The following MED4 variants were observed in gnomAD, a reference collection of about 807,000 sequenced individuals.
MED4 encodes the protein mediator complex subunit 4.
Under a neutral mutation model 35.0 loss-of-function variants are expected in MED4, and 21 were observed. The ratio of observed to expected loss-of-function variants is 0.60; its 90% confidence interval spans 0.43 to 0.86. The LOEUF is 0.86. Ranked by LOEUF, MED4 falls within the 40% of genes least tolerant of loss-of-function variation. The probability of loss-of-function intolerance (pLI) is 0.00; values close to 1 mark genes in which losing one functional copy is unlikely to be tolerated. For missense variants in MED4, 300 were observed against 319.4 expected (o/e 0.94, Z 0.46); for synonymous variants, 138 against 114.0 (o/e 1.21, Z -1.34).
chr13:48,078,039 T>C (rs1390385061), intron 6 of MED4, among the ~76,000 whole-genome samples: 1 of 152,174 alleles, frequency 6.6e-6, no homozygotes, highest in Non-Finnish European at 1.5e-5. Context: ...ACTGCTATTG[T>C]AAGTGACTCT....
intron 4 of MED4, among the ~76,000 whole-genome samples, chr13:48,082,285 TCA>T (rs1593543726): frequency 1.3e-5 from 2 of 151,868 alleles, no homozygotes; most frequent in African/African-American, 4.8e-5. Context: ...ACATACATAC[TCA>T]CAGATCTAGA....
chr13:48,078,946 C>T (rs1950783064), intron 6 of MED4, among the ~76,000 whole-genome samples: 3 of 152,068 alleles, frequency 2.0e-5, no homozygotes, highest in African/African-American at 7.2e-5. Context: ...AAAGTGACTG[C>T]CTCAGAAAGG....
chr13:48,084,951 C>T (rs904358362), intron 3 of MED4, among the ~76,000 whole-genome samples: 1 of 151,988 alleles, frequency 6.6e-6, no homozygotes, highest in Non-Finnish European at 1.5e-5. Context: ...ATTGCAACCT[C>T]TGCCTCCCGG....
chr13:48,079,598 G>A (rs1293256786), intron 6 of MED4, among the ~76,000 whole-genome samples: 3 of 152,030 alleles, frequency 2.0e-5, no homozygotes, highest in East Asian at 3.9e-4. Context: ...AAATTAGCCA[G>A]GCCTGGTGGC....
chr13:48,094,060 C>T (rs1452471951), intron 1 of MED4, among the ~76,000 whole-genome samples: 2 of 152,108 alleles, frequency 1.3e-5, no homozygotes, highest in African/African-American at 4.8e-5. Context: ...CGCAAACCTA[C>T]CAATGAGGTA....
chr13:48,089,274 T>C (rs537625885), intron 2 of MED4, among the ~76,000 whole-genome samples: 3 of 152,302 alleles, frequency 2.0e-5, no homozygotes, highest in African/African-American at 4.8e-5. Context: ...CTCCTCCCCT[T>C]TTGAGGCTCA....
intron 1 of MED4, 97 bp downstream of exon 1, chr13:48,094,857 G>T: frequency 6.6e-7 from 1 of 1,523,926 alleles, no homozygotes; most frequent in Non-Finnish European, 8.8e-7. Context: ...GGCCCTCCCC[G>T]CCGAACCCCG....
chr13:48,089,291 C>T (rs1338446814), intron 2 of MED4, among the ~76,000 whole-genome samples: 1 of 152,196 alleles, frequency 6.6e-6, no homozygotes, highest in Non-Finnish European at 1.5e-5. Context: ...CTCACTGACA[C>T]TTTTCTATTG....
At chr13:48,084,648 C>G (rs1293143904) in intron 3 of MED4, among the ~76,000 whole-genome samples, 1 of 152,092 alleles carries the variant, frequency 6.6e-6, no homozygotes, top group Non-Finnish European at 1.5e-5. Flanking sequence ...ATCCTGCTAA[C>G]TACAATTACC....
At chr13:48,077,992 GTAT>G (rs1211388315) in intron 6 of MED4, among the ~76,000 whole-genome samples, 1 of 152,078 alleles carries the variant, frequency 6.6e-6, no homozygotes, top group Admixed American at 6.6e-5. Context: ...AGGTACTTTA[GTAT>G]TATAATAGAT....
At position 48,086,477 on chromosome 13, in the gene MED4, C is replaced by T. The variant is rs1218618757; in HGVS notation, c.193-25G>A. ...CCTGTCAGATAACAGTCAATTAAATCAGACAATAGACTACTGAAAGGCTGC... is the reference window on the plus strand; with the variant it reads ...CCTGTCAGATAACAGTCAATTAAATTAGACAATAGACTACTGAAAGGCTGC... On this transcript the variant is annotated intron_variant, in intron 2 of 6. Coordinates refer to ENST00000258648, the MANE Select transcript of MED4 (RefSeq NM_014166.4). The T allele has an allele frequency of 1.9e-6, 3 of 1,602,718 alleles. No individual in the cohort carries two copies. The South Asian group carries it at 3.3e-5, about 18-fold the overall frequency.
chr13:48,090,291 GTTT>G, intron 2 of MED4, 58 bp downstream of exon 2: 3 of 1,330,268 alleles, frequency 2.3e-6, no homozygotes, highest in African/African-American at 1.5e-5. Flanking sequence ...CAGAAATCAA[GTTT>G]TTTTCTTTTA....
chr13:48,082,120 G>A (rs940399570), intron 4 of MED4, among the ~76,000 whole-genome samples: 3 of 151,974 alleles, frequency 2.0e-5, no homozygotes, highest in Admixed American at 1.3e-4. Context: ...CACTCTGTTC[G>A]ATCAATATGC....
chr13:48,090,765 G>A (rs1403779694), intron 1 of MED4, among the ~76,000 whole-genome samples: 1 of 152,158 alleles, frequency 6.6e-6, no homozygotes, highest in Non-Finnish European at 1.5e-5. Context: ...TTGATAAGAG[G>A]ATAAGTTCTC....
At chr13:48,080,213 AT>A (rs1259760083) in intron 5 of MED4, among the ~76,000 whole-genome samples, 1 of 151,942 alleles carries the variant, frequency 6.6e-6, no homozygotes, top group African/African-American at 2.4e-5. Context: ...CCTGGCCAGC[AT>A]GGTGAAACCC....
At chr13:48,092,331 C>T (rs1161553250) in intron 1 of MED4, among the ~76,000 whole-genome samples, 2 of 152,020 alleles carry the variant, frequency 1.3e-5, no homozygotes, top group African/African-American at 4.8e-5. Context: ...AGGCTGGTCT[C>T]GAAATCCCGA....
chr13:48,094,886 G>A (rs1419021806), intron 1 of MED4, 68 bp downstream of exon 1: 7 of 1,576,728 alleles, frequency 4.4e-6, no homozygotes, highest in Non-Finnish European at 6.0e-6. Context: ...CACAAACGCA[G>A]GGCCGGCCGG....
chr13:48,083,346 C>A, intron 4 of MED4, 25 bp downstream of exon 4: 2 of 1,590,432 alleles, frequency 1.3e-6, no homozygotes, highest in South Asian at 2.3e-5. Context: ...CTTTTCAGGT[C>A]ATTCAGTCTT....
In MED4 at chr13:48,087,024, T is replaced by C. The variant is rs556810838; in HGVS notation, c.193-572A>G. ...TCACGCCACTGCACTCTAGCCTGGG[T>C]GACAGAGTAAGACACTGTCTCAAAA... On this transcript the variant is annotated intron_variant, in intron 2 of 6. Transcript: ENST00000258648. Among the ~76,000 whole-genome samples the C allele has an allele frequency of 1.3e-4, 20 of 150,698 alleles. No homozygotes were observed. The East Asian group carries it at 1.6e-3, about 12-fold the overall frequency.
Sources: allele counts gnomAD v4.1 joint callset (sites outside exome capture counted in the v4.1 genomes callset), GRCh38; gene constraint gnomAD v4.1.1; transcripts MANE v1.5; gene names NCBI Gene and HGNC (gene_info 2026-07-23, HGNC 2026-07-21).